Variants in HMBOX1 observed in about 807,000 individuals in gnomAD.
HMBOX1 encodes homeobox containing 1, also known as homeobox-containing protein 1.
HMBOX1 carries 14 observed loss-of-function variants against 54.5 expected under a neutral mutation model. The ratio of observed to expected loss-of-function variants is 0.26; its 90% CI spans 0.17 to 0.40. The LOEUF is 0.40. Among genes scored for constraint, HMBOX1 ranks in the 10% least tolerant of loss-of-function variants. HMBOX1 has a pLI of 1.00. For synonymous variants in HMBOX1, 160 were observed against 181.0 expected (o/e 0.88, Z 0.93); for missense variants, 332 against 514.4 (o/e 0.65, Z 3.43).
At chr8:28,920,417 A>G (rs190572264) in intron 1 of HMBOX1, among the ~76,000 whole-genome samples, 20 of 152,350 alleles carry the variant, frequency 1.3e-4, no homozygotes, top group Non-Finnish European at 2.6e-4. Context: ...GTTTAAATAT[A>G]TTACATTTTA....
chr8:28,960,759 CTTTTTCTTTTTTTTTTTTTTTTT>C (rs1825371302), intron 1 of HMBOX1, among the ~76,000 whole-genome samples: 1 of 5,126 alleles, frequency 2.0e-4, no homozygotes, highest in East Asian at 0.015. Context: ...TTTTCTTTTT[CTTTTTCTTTTTTTTTTTTTTTTT>C]TTTTTTTTTT....
chr8:28,895,674 C>CAAA (rs544463520), intron 1 of HMBOX1, among the ~76,000 whole-genome samples: 2 of 137,346 alleles, frequency 1.5e-5, no homozygotes, highest in African/African-American at 5.4e-5. Flanking sequence ...GACTCAGTCT[C>CAAA]AAAAAAAAAA....
At chr8:29,026,710 C>T (rs1802101172) in intron 6 of HMBOX1, among the ~76,000 whole-genome samples, 1 of 152,196 alleles carries the variant, frequency 6.6e-6, no homozygotes, top group Admixed American at 6.5e-5. Context: ...GTCCCAGTCA[C>T]ATGTGGATGT....
chr8:28,893,861 T>C (rs1172330728), intron 1 of HMBOX1, among the ~76,000 whole-genome samples: 1 of 152,198 alleles, frequency 6.6e-6, no homozygotes, highest in Non-Finnish European at 1.5e-5. Flanking sequence ...CATTTAGGGC[T>C]CCCGTGCAAT....
rs746305592 is a variant in HMBOX1, at chr8:29,009,065, T to C, written c.587-7T>C. 1 of 1,600,334 alleles carries C rather than the reference T, an allele frequency of 6.2e-7. No individual in the cohort carries two copies. The highest frequency in any genetic ancestry group is 1.1e-5 in the South Asian group (1 of 90,442). On this transcript the variant is annotated splice_region_variant and splice_polypyrimidine_tract_variant and intron_variant, in intron 4 of 9. Coordinates refer to ENST00000287701, the MANE Select transcript of HMBOX1 (RefSeq NM_001135726.3). ...GCCCCCCAAAACCTATTTCTCTTTC[T>C]ACATAGGTATCAGTCAGAGCCGGAT...
At chr8:28,897,319 C>T (rs1384830303) in intron 1 of HMBOX1, among the ~76,000 whole-genome samples, 1 of 151,400 alleles carries the variant, frequency 6.6e-6, no homozygotes, top group East Asian at 1.9e-4. Flanking sequence ...AATATTAGGA[C>T]CCATTAAAAT....
intron 1 of HMBOX1, among the ~76,000 whole-genome samples, chr8:28,940,203 C>T (rs1821123771): frequency 6.6e-6 from 1 of 152,118 alleles, no homozygotes; most frequent in Admixed American, 6.5e-5. Flanking sequence ...AACGGGGTTT[C>T]CCCATGTTGG....
intron 1 of HMBOX1, among the ~76,000 whole-genome samples, chr8:28,903,686 C>T (rs1038498799): frequency 2.0e-5 from 3 of 152,154 alleles, no homozygotes; most frequent in Non-Finnish European, 4.4e-5. Flanking sequence ...ATGCAAAAGA[C>T]ATCTTAAATG....
chr8:29,031,880 A>C (rs1803026391), intron 6 of HMBOX1, among the ~76,000 whole-genome samples: 1 of 152,196 alleles, frequency 6.6e-6, no homozygotes, highest in Non-Finnish European at 1.5e-5. Context: ...TGGTGCAAGG[A>C]AAGGAAACCC....
At chr8:28,904,339 G>T (rs145893645) in intron 1 of HMBOX1, among the ~76,000 whole-genome samples, 2 of 148,396 alleles carry the variant, frequency 1.3e-5, no homozygotes. Flanking sequence ...CCTCCGCCTC[G>T]CGGGTTCAAG....
intron 4 of HMBOX1, among the ~76,000 whole-genome samples, chr8:28,984,153 G>GTATATAC (rs1829833988): frequency 6.6e-6 from 1 of 152,200 alleles, no homozygotes; most frequent in African/African-American, 2.4e-5. Flanking sequence ...CCTCATCAGT[G>GTATATAC]TATATACGCA....
Position 29,001,855 on chromosome 8 carries a change from T to C in HMBOX1, c.587-7217T>C, listed in dbSNP as rs552182943. ...TCTTAAATCTTTAAATCTATAACCA[T>C]GAGTGTACAGCTGTGGCAACTATGA... is the stretch of plus-strand genomic sequence containing the variant. On this transcript the variant is annotated intron_variant, in intron 4 of 9. Transcript: ENST00000287701. Among the ~76,000 whole-genome samples the C allele has an allele frequency of 6.6e-5, 10 of 152,308 alleles. No individual in the cohort carries two copies. The East Asian group carries it at 1.7e-3, about 26-fold the overall frequency.
chr8:28,989,232 G>A (rs933379604), intron 4 of HMBOX1, among the ~76,000 whole-genome samples: 6 of 151,410 alleles, frequency 4.0e-5, no homozygotes, highest in Admixed American at 6.6e-5. Context: ...AGATTGTGCC[G>A]TTGCACTCCA....
intron 1 of HMBOX1, among the ~76,000 whole-genome samples, chr8:28,945,223 C>G (rs1050988505): frequency 2.3e-4 from 35 of 152,168 alleles, no homozygotes; most frequent in African/African-American, 7.5e-4. Flanking sequence ...TCTACTGTAT[C>G]TTTAGTTCTC....
At chr8:28,942,248 G>A (rs28459111) in intron 1 of HMBOX1, among the ~76,000 whole-genome samples, 6 of 152,192 alleles carry the variant, frequency 3.9e-5, no homozygotes, top group African/African-American at 1.2e-4. Flanking sequence ...CCCTTCACCC[G>A]CTCTAGGTTC....
At chr8:28,940,729 C>T (rs1415952598) in intron 1 of HMBOX1, among the ~76,000 whole-genome samples, 1 of 152,206 alleles carries the variant, frequency 6.6e-6, no homozygotes, top group African/African-American at 2.4e-5. Flanking sequence ...CTTAACTTTT[C>T]TCTGTCTCTT....
At chr8:29,049,826 A>T (rs1036157040) in intron 9 of HMBOX1, among the ~76,000 whole-genome samples, 1 of 152,220 alleles carries the variant, frequency 6.6e-6, no homozygotes. Flanking sequence ...CCACAGCAAG[A>T]AAACTTCTGC....
intron 4 of HMBOX1, among the ~76,000 whole-genome samples, chr8:28,987,531 G>A (rs1830345559): frequency 6.6e-6 from 1 of 152,134 alleles, no homozygotes; most frequent in Non-Finnish European, 1.5e-5. Flanking sequence ...ACTTCCTGCA[G>A]AAGAGAGACT....
chr8:28,935,504 A>T (rs1820247366), intron 1 of HMBOX1, among the ~76,000 whole-genome samples: 2 of 152,158 alleles, frequency 1.3e-5, no homozygotes, highest in South Asian at 4.1e-4. Context: ...AAGGGGGAGC[A>T]TTTCTTGACT....
Sources: gnomAD v4.1 joint callset for allele counts (sites outside exome capture counted in the v4.1 genomes callset) on GRCh38, gnomAD v4.1.1 for gene constraint, MANE v1.5 for transcripts, NCBI Gene and HGNC (gene_info 2026-07-23, HGNC 2026-07-21) for gene names.